The following PSD3 variants were observed in gnomAD, a reference collection of about 807,000 sequenced individuals.
The protein encoded by PSD3 is PH and SEC7 domain-containing protein 3.
In PSD3, 49 loss-of-function variants were observed where a neutral mutation model predicts 105.5. The ratio of observed to expected loss-of-function variants is 0.46; its 90% confidence interval spans 0.37 to 0.59. The LOEUF (loss-of-function observed/expected upper bound fraction) is 0.59. PSD3 is among the 20% of genes least tolerant of loss of function. The pLI is 0.00. For synonymous variants in PSD3, 557 were observed against 457.8 expected, an observed-to-expected ratio of 1.22 and a Z score of -2.77; for missense variants, 1,561 against 1,263.8, an observed-to-expected ratio of 1.24 and a Z score of -3.57.
intron 2 of PSD3, among the ~76,000 whole-genome samples, chr8:18,903,809 C>T (rs1409399958): frequency 2.0e-5 from 3 of 152,086 alleles, no homozygotes; most frequent in Admixed American, 2.0e-4. Flanking sequence ...GGGGCCAAGG[C>T]ACCGTTTTGG....
intron 1 of PSD3, among the ~76,000 whole-genome samples, chr8:19,051,175 G>T (rs1371635045): frequency 6.6e-6 from 1 of 152,080 alleles, no homozygotes; most frequent in Non-Finnish European, 1.5e-5. Flanking sequence ...AGCTTCTTAA[G>T]CTGGTCCAAG....
At chr8:19,074,046 T>A (rs149389814) in intron 1 of PSD3, among the ~76,000 whole-genome samples, 2,218 of 152,174 alleles carry the variant, frequency 0.015, 29 homozygotes, top group Non-Finnish European at 0.023. Context: ...CACCTCGCCC[T>A]CCCAAAGTGC....
At chr8:18,821,300 A>C (rs1424374048) in intron 4 of PSD3, among the ~76,000 whole-genome samples, 1 of 152,140 alleles carries the variant, frequency 6.6e-6, no homozygotes, top group Admixed American at 6.6e-5. Context: ...AGTGTAGCTA[A>C]ATGAGAATGA....
chr8:18,793,015 A>G (rs906981898), intron 8 of PSD3, among the ~76,000 whole-genome samples: 2 of 152,176 alleles, frequency 1.3e-5, no homozygotes, highest in Non-Finnish European at 2.9e-5. Context: ...ATGAGTTCAT[A>G]TGCTTTGTAG....
intron 1 of PSD3, among the ~76,000 whole-genome samples, chr8:18,969,382 C>G (rs1180666581): frequency 1.3e-5 from 2 of 152,186 alleles, no homozygotes; most frequent in East Asian, 3.9e-4. Context: ...ATAACATTAG[C>G]TTCACGTTCA....
chr8:18,933,861 G>C (rs369617036), intron 2 of PSD3, among the ~76,000 whole-genome samples: 9 of 152,216 alleles, frequency 5.9e-5, no homozygotes, highest in African/African-American at 2.2e-4. Context: ...CAAACTTCAA[G>C]CCCAGAATAG....
intron 12 of PSD3, among the ~76,000 whole-genome samples, chr8:18,589,974 G>A (rs2130484465): frequency 1.3e-5 from 2 of 152,226 alleles, no homozygotes; most frequent in South Asian, 4.1e-4. Context: ...CAGCTAAAAT[G>A]AAGTGCTGTC....
intron 8 of PSD3, among the ~76,000 whole-genome samples, chr8:18,780,460 T>C (rs1421256312): frequency 2.6e-5 from 4 of 152,182 alleles, no homozygotes; most frequent in African/African-American, 7.2e-5. Flanking sequence ...TTGTGAATTA[T>C]TTTTTGGTTT....
At chr8:18,864,940 C>T (rs1162652172) in intron 4 of PSD3, 1 of 151,738 alleles carries the variant, frequency 6.6e-6, no homozygotes, top group East Asian at 1.9e-4. Context: ...AATTTTCCTT[C>T]AAATTGAATG....
intron 10 of PSD3, among the ~76,000 whole-genome samples, chr8:18,642,194 T>TA (rs939599032): frequency 2.0e-5 from 3 of 152,116 alleles, no homozygotes; most frequent in African/African-American, 7.2e-5. Flanking sequence ...AACCAATGGT[T>TA]AAAAAAGTTT....
chr8:18,808,341 A>T (rs1410311108), intron 4 of PSD3, among the ~76,000 whole-genome samples: 1 of 152,238 alleles, frequency 6.6e-6, no homozygotes, highest in Non-Finnish European at 1.5e-5. Flanking sequence ...CATTCTGTGC[A>T]AACAATGTAA....
chr8:18,872,074 C>T lies in PSD3; in HGVS notation c.790G>A (p.Gly264Ser). Residue 264 changes from glycine to serine, a missense_variant, in exon 3 of 16, where the codon GGC becomes AGC. Physicochemically the swap from Gly to Ser is moderately conservative, Grantham distance 56. Transcript: ENST00000327040. ...TGCTCTTTCAAGAAACCAACACTGC[C>T]TGCAGAGTGGCAGGTCACTGCTGAG... ...GSSAVTCHSA[G>S]SVGFLKEQRS... The T allele has an allele frequency of 6.2e-7, 1 of 1,614,172 alleles. No individual in the cohort carries two copies.
chr8:18,543,582 C>T (rs1051931873), intron 15 of PSD3, among the ~76,000 whole-genome samples: 2 of 151,642 alleles, frequency 1.3e-5, no homozygotes, highest in African/African-American at 4.8e-5. Flanking sequence ...CACGCCACTG[C>T]ACTCCAGCCT....
At chr8:18,561,172 G>C (rs1585243151) in intron 14 of PSD3, among the ~76,000 whole-genome samples, 1 of 152,316 alleles carries the variant, frequency 6.6e-6, no homozygotes, top group East Asian at 1.9e-4. Flanking sequence ...TTCAAGAAGA[G>C]GGAACAGCTC....
chr8:18,532,776 T>C lies in PSD3; in HGVS notation c.*2967A>G, dbSNP rs986008710. 3 of 152,192 alleles carry C rather than the reference T, an allele frequency of 2.0e-5. No individual in the cohort carries two copies. Among genetic ancestry groups the C allele is most frequent in the African/African-American group, 4.8e-5 (2 of 41,442 alleles). 9.4% of individuals were successfully genotyped at this position (152,192 alleles called of 1,614,324 possible). ...AGACACCTCCCTGTAAAAGCCAGCA[T>C]GCGAGGTGGGGACAAACCCCTAAAA... On this transcript the variant is annotated 3_prime_UTR_variant, in exon 16 of 16. Transcript: ENST00000327040.
intron 9 of PSD3, among the ~76,000 whole-genome samples, chr8:18,688,448 C>G (rs1800786525): frequency 6.6e-6 from 1 of 152,168 alleles, no homozygotes; most frequent in South Asian, 2.1e-4. Context: ...GTTACATTAT[C>G]ACATACAAAG....
chr8:19,015,456 C>T (rs1221145740), upstream of PSD3, among the ~76,000 whole-genome samples: 3 of 152,144 alleles, frequency 2.0e-5, no homozygotes, highest in Non-Finnish European at 4.4e-5. Context: ...AGAGACAGTC[C>T]CAGTGTGCCT....
At chr8:19,023,847 T>A (rs1173843242) in intron 1 of PSD3, among the ~76,000 whole-genome samples, 5 of 152,196 alleles carry the variant, frequency 3.3e-5, no homozygotes, top group Non-Finnish European at 5.9e-5. Flanking sequence ...AAACGACAAA[T>A]GAAAGTTTGG....
intron 14 of PSD3, among the ~76,000 whole-genome samples, chr8:18,563,968 A>G (rs548946358): frequency 6.6e-6 from 1 of 152,190 alleles, no homozygotes; most frequent in African/African-American, 2.4e-5. Context: ...CCCACTGCAA[A>G]GAGTTTTAAA....
Sources: allele counts gnomAD v4.1 joint callset (sites outside exome capture counted in the v4.1 genomes callset), GRCh38; gene constraint gnomAD v4.1.1; transcripts MANE v1.5; gene names NCBI Gene and HGNC (gene_info 2026-07-23, HGNC 2026-07-21).